The following ITGA2 variants were observed in gnomAD, a reference collection of about 807,000 sequenced individuals.
The protein encoded by ITGA2 is integrin subunit alpha 2.
A neutral mutation model predicts 146.3 loss-of-function variants in ITGA2; 101 were observed. The observed-to-expected ratio is 0.69, with a 90% CI of 0.59 to 0.81. The LOEUF is 0.81. Among genes scored for constraint, ITGA2 ranks in the 40% least tolerant of loss-of-function variants. The pLI is 0.00. For synonymous variants in ITGA2, 477 were observed against 487.1 expected (o/e 0.98, Z 0.27); for missense variants, 1,281 against 1,402.7 (o/e 0.91, Z 1.39).
chr5:53,003,559 A>G (rs1210011227), intron 1 of ITGA2, among the ~76,000 whole-genome samples: 1 of 152,268 alleles, frequency 6.6e-6, no homozygotes, highest in East Asian at 1.9e-4. Context: ...GACTTCTTGC[A>G]TGGTGGGTAG....
intron 9 of ITGA2, among the ~76,000 whole-genome samples, chr5:53,056,902 T>C (rs1344584360): frequency 1.3e-5 from 2 of 151,874 alleles, no homozygotes; most frequent in Non-Finnish European, 2.9e-5. Context: ...AAAGACCATA[T>C]GTTATTGGAA....
intron 24 of ITGA2, among the ~76,000 whole-genome samples, 169 bp from the exon 25 acceptor site, chr5:53,080,342 G>A (rs1386918404): frequency 6.6e-6 from 1 of 152,140 alleles, no homozygotes; most frequent in African/African-American, 2.4e-5. Flanking sequence ...TGCGTTTTAA[G>A]AGGTGAGACA....
At chr5:52,996,376 A>G (rs1741253654) in intron 1 of ITGA2, among the ~76,000 whole-genome samples, 1 of 152,164 alleles carries the variant, frequency 6.6e-6, no homozygotes, top group Non-Finnish European at 1.5e-5. Context: ...ATCAGAGAGA[A>G]AGGAGAGGAA....
At chr5:53,042,357 C>G (rs1208241360) in intron 3 of ITGA2, 136 bp downstream of exon 3, 1 of 670,424 alleles carries the variant, frequency 1.5e-6, no homozygotes, top group African/African-American at 1.8e-5. Context: ...TAATATGGGG[C>G]ACAATCATAT....
chr5:53,087,196 G>A (rs937282415), intron 28 of ITGA2, among the ~76,000 whole-genome samples, 155 bp downstream of exon 28: 7 of 152,124 alleles, frequency 4.6e-5, no homozygotes, highest in African/African-American at 1.2e-4. Context: ...AGATTTTGGC[G>A]AGGGTGTGTG....
chr5:53,030,944 C>T (rs982819763), intron 2 of ITGA2, among the ~76,000 whole-genome samples: 1 of 152,222 alleles, frequency 6.6e-6, no homozygotes, highest in African/African-American at 2.4e-5. Context: ...GGTACCTTGC[C>T]ACAGAGGGCA....
chr5:53,037,620 G>A (rs1256513885), intron 2 of ITGA2, among the ~76,000 whole-genome samples: 1 of 152,158 alleles, frequency 6.6e-6, no homozygotes, highest in Non-Finnish European at 1.5e-5. Context: ...TGAGTTGTCA[G>A]GAACTAGGAT....
At chr5:53,063,505 A>G (rs1471101743) in intron 13 of ITGA2, among the ~76,000 whole-genome samples, 1 of 151,452 alleles carries the variant, frequency 6.6e-6, no homozygotes, top group South Asian at 2.1e-4. Flanking sequence ...AATTTTTCCA[A>G]TTTGTGGACT....
At chr5:53,006,764 C>T (rs1367240940) in intron 1 of ITGA2, among the ~76,000 whole-genome samples, 1 of 152,182 alleles carries the variant, frequency 6.6e-6, no homozygotes, top group East Asian at 1.9e-4. Flanking sequence ...TTCCCTTCCT[C>T]TGTTTTCACA....
chr5:53,075,476 C>G (rs1404177196), intron 23 of ITGA2, among the ~76,000 whole-genome samples, 172 bp downstream of exon 23: 1 of 151,876 alleles, frequency 6.6e-6, no homozygotes, highest in South Asian at 2.1e-4. Flanking sequence ...CTAGGAAAAC[C>G]TTGAGTGACT....
At chr5:53,081,150 G>A (rs1181945885) in intron 25 of ITGA2, among the ~76,000 whole-genome samples, 1 of 152,110 alleles carries the variant, frequency 6.6e-6, no homozygotes, top group African/African-American at 2.4e-5. Flanking sequence ...TCCACACCAT[G>A]GTTCTAACAC....
At chr5:53,051,710 A>G (rs1438494747) in intron 7 of ITGA2, 151 bp downstream of exon 7, 2 of 810,276 alleles carry the variant, frequency 2.5e-6, no homozygotes, top group Non-Finnish European at 3.9e-6. Context: ...ACATCAGAGC[A>G]TTCTATGTCT....
chr5:53,034,800 A>G (rs888952395), intron 2 of ITGA2, among the ~76,000 whole-genome samples: 1 of 152,210 alleles, frequency 6.6e-6, no homozygotes, highest in African/African-American at 2.4e-5. Flanking sequence ...GCTAAGTGGC[A>G]CAAGTGGCAA....
intron 1 of ITGA2, among the ~76,000 whole-genome samples, chr5:53,009,314 G>T (rs545579445): frequency 3.0e-4 from 45 of 152,238 alleles, no homozygotes; most frequent in African/African-American, 1.0e-3. Context: ...TGGAAAGAGG[G>T]TTTCTGTAGA....
intron 1 of ITGA2, among the ~76,000 whole-genome samples, chr5:53,015,087 C>A (rs1742335855): frequency 6.6e-6 from 1 of 151,800 alleles, no homozygotes; most frequent in Non-Finnish European, 1.5e-5. Flanking sequence ...TTTTGTACCT[C>A]AATTTCATTC....
At chr5:53,040,505 T>C (rs1743737711) in intron 2 of ITGA2, among the ~76,000 whole-genome samples, 1 of 152,192 alleles carries the variant, frequency 6.6e-6, no homozygotes, top group Non-Finnish European at 1.5e-5. Context: ...AAAGTGGCTA[T>C]TGGGACTTAC....
intron 11 of ITGA2, among the ~76,000 whole-genome samples, chr5:53,060,342 G>A (rs958644302): frequency 3.3e-5 from 5 of 151,886 alleles, no homozygotes; most frequent in African/African-American, 1.2e-4. Context: ...TAGTCTTCTT[G>A]TTCTTATAAT....
intron 28 of ITGA2, among the ~76,000 whole-genome samples, chr5:53,088,795 T>C (rs1202248669): frequency 6.6e-6 from 1 of 152,120 alleles, no homozygotes; most frequent in African/African-American, 2.4e-5. Flanking sequence ...AATTTTTTAA[T>C]CTAAACAATA....
intron 1 of ITGA2, among the ~76,000 whole-genome samples, chr5:53,019,147 T>TA (rs3212416): frequency 6.6e-6 from 1 of 151,968 alleles, no homozygotes; most frequent in African/African-American, 2.4e-5. Flanking sequence ...AAGGGTACTT[T>TA]AAAAAAATAA....
Sources: gnomAD v4.1 joint callset for allele counts (sites outside exome capture counted in the v4.1 genomes callset) on GRCh38, gnomAD v4.1.1 for gene constraint, MANE v1.5 for transcripts, NCBI Gene and HGNC (gene_info 2026-07-23, HGNC 2026-07-21) for gene names.